XKR4: variants seen among roughly 807,000 people sequenced by gnomAD.
XKR4 encodes XK-related protein 4.
A neutral mutation model predicts 53.9 loss-of-function variants in XKR4; 12 were observed. The ratio of observed to expected loss-of-function variants is 0.22; its 90% CI spans 0.14 to 0.36. XKR4 has a LOEUF of 0.36. Among genes scored for constraint, XKR4 ranks in the 10% least tolerant of loss-of-function variants. XKR4 has a pLI of 1.00. For missense variants in XKR4, 799 were observed against 859.5 expected, an observed-to-expected ratio of 0.93 and a Z score of 0.88; for synonymous variants, 354 against 362.4, an observed-to-expected ratio of 0.98 and a Z score of 0.26.
In XKR4 at chr8:55,536,049, T is replaced by A. The variant is rs1390812575; in HGVS notation, c.*11822T>A. The stretch of plus-strand genomic sequence containing the variant: ...TTCAGGGTTACCATGGCCTTACTCA[T>A]CTTCCCATTGTAAATATATCACAAT... On this transcript the variant is annotated 3_prime_UTR_variant, in exon 3 of 3. Transcript: ENST00000327381. 6.6e-6 allele frequency: 1 copy of A among 152,202 alleles called. No individual in the cohort carries two copies. Among genetic ancestry groups the A allele is most frequent in the African/African-American group, 2.4e-5 (1 of 41,466 alleles). The allele number at this position is 152,202 out of a possible 1,614,324, so 9.4% of individuals were successfully genotyped here.
chr8:55,467,094 G>A (rs920819751), intron 2 of XKR4, among the ~76,000 whole-genome samples: 1 of 152,036 alleles, frequency 6.6e-6, no homozygotes, highest in African/African-American at 2.4e-5. Flanking sequence ...CTGGGCACAG[G>A]GTCCTTCCCA....
At chr8:55,456,172 C>A (rs1018721166) in intron 2 of XKR4, among the ~76,000 whole-genome samples, 2 of 152,194 alleles carry the variant, frequency 1.3e-5, no homozygotes, top group African/African-American at 4.8e-5. Flanking sequence ...TGGCTCACAC[C>A]TGTAATCCCA....
intron 1 of XKR4, among the ~76,000 whole-genome samples, chr8:55,320,379 GAAGA>G (rs1803187550): frequency 6.6e-6 from 1 of 152,152 alleles, no homozygotes; most frequent in Non-Finnish European, 1.5e-5. Flanking sequence ...CTGAAGGAAG[GAAGA>G]GATTTAAGTT....
Position 55,538,970 on chromosome 8 carries a change from G to A in XKR4, c.*14743G>A, listed in dbSNP as rs1207450212. ...ATATTTCGGAGAAGTTTTTACACAG[G>A]GCTTCAGCTATATACTGATATACAT... On this transcript the variant is annotated 3_prime_UTR_variant, in exon 3 of 3. Transcript: ENST00000327381. 2 of 152,080 alleles carry A rather than the reference G, an allele frequency of 1.3e-5. No homozygotes were observed. The highest frequency in any genetic ancestry group is 1.3e-4 in the Admixed American group (2 of 15,266). The allele number at this position is 152,080 out of a possible 1,614,324, so 9.4% of individuals were successfully genotyped here.
rs147908466 is a variant in XKR4 at position 55,113,268 on chromosome 8, T to C, written c.806+9974T>C. Among the ~76,000 whole-genome samples the C allele has an allele frequency of 4.7e-3, 718 of 152,330 alleles. 2 individuals carry two copies. Among genetic ancestry groups the C allele is most frequent in the Non-Finnish European group, 7.2e-3 (489 of 68,022 alleles). ...TATCACTGTGTTGCCTTCTCTAATCTGCTAATAGGAAAGTAGCATGTTGTC... is the reference window on the plus strand; with the variant it reads ...TATCACTGTGTTGCCTTCTCTAATCCGCTAATAGGAAAGTAGCATGTTGTC... On this transcript the variant is annotated intron_variant, in intron 1 of 2. Transcript: ENST00000327381.
At chr8:55,224,652 G>A (rs1253224493) in intron 1 of XKR4, among the ~76,000 whole-genome samples, 2 of 152,240 alleles carry the variant, frequency 1.3e-5, no homozygotes, top group Admixed American at 6.5e-5. Context: ...GAAGTACTGG[G>A]TTAAACAAAT....
intron 1 of XKR4, among the ~76,000 whole-genome samples, chr8:55,308,342 G>T (rs920777860): frequency 2.6e-5 from 4 of 152,196 alleles, no homozygotes; most frequent in Non-Finnish European, 5.9e-5. Context: ...TCACAGTTCT[G>T]CCTGGCTGGG....
chr8:55,142,296 G>C (rs1441863827), intron 1 of XKR4: 1 of 418,044 alleles, frequency 2.4e-6, no homozygotes, highest in Non-Finnish European at 4.8e-6. Context: ...AAAGGGTATA[G>C]TACACACTGG....
At chr8:55,242,459 C>T (rs192693263) in intron 1 of XKR4, among the ~76,000 whole-genome samples, 3 of 152,184 alleles carry the variant, frequency 2.0e-5, no homozygotes, top group East Asian at 1.9e-4. Context: ...AAAGGAAATG[C>T]GAGGAGGTAA....
chr8:55,414,990 C>A (rs2129391682), intron 2 of XKR4, among the ~76,000 whole-genome samples: 1 of 152,294 alleles, frequency 6.6e-6, no homozygotes, highest in African/African-American at 2.4e-5. Flanking sequence ...TATTGGAGTG[C>A]CTCCAGGACA....
At chr8:55,223,167 G>A (rs11784187) in intron 1 of XKR4, among the ~76,000 whole-genome samples, 58,690 of 152,014 alleles carry the variant, frequency 0.39, 11,826 homozygotes, top group Middle Eastern at 0.48. Flanking sequence ...TGTCAACTAC[G>A]CATGTCTTTA....
intron 1 of XKR4, among the ~76,000 whole-genome samples, chr8:55,309,095 A>G (rs556909199): frequency 6.6e-6 from 1 of 152,334 alleles, no homozygotes; most frequent in Admixed American, 6.5e-5. Flanking sequence ...AGCCTCCAGG[A>G]AGAAACACAG....
At chr8:55,173,005 T>C (rs1327500960) in intron 1 of XKR4, among the ~76,000 whole-genome samples, 1 of 152,240 alleles carries the variant, frequency 6.6e-6, no homozygotes, top group Non-Finnish European at 1.5e-5. Flanking sequence ...TCAGTGTTGC[T>C]TGCACACAAA....
chr8:55,264,617 G>T lies in XKR4; in HGVS notation c.807-93061G>T, dbSNP rs1818572831. On this transcript the variant is annotated intron_variant, in intron 1 of 2. Coordinates refer to ENST00000327381, the MANE Select transcript of XKR4 (RefSeq NM_052898.2). ...ATGTGAAACTATGAATTTCCATGAG[G>T]TTTGTAATTTTAACTAAGAAATCAT... 2.0e-5 allele frequency among the ~76,000 whole-genome samples: 3 copies of T among 152,194 alleles called. No individual in the cohort carries two copies. In the South Asian group the frequency reaches 6.2e-4, roughly 32 times the overall value.
intron 2 of XKR4, chr8:55,451,405 G>A: frequency 1.1e-6 from 1 of 945,896 alleles, no homozygotes; most frequent in Non-Finnish European, 1.7e-6. Flanking sequence ...GTTGCGTCCG[G>A]ACGCACTGGA....
intron 1 of XKR4, among the ~76,000 whole-genome samples, chr8:55,280,722 G>T (rs4236975): frequency 0.6 from 91,820 of 151,972 alleles, 30,017 homozygotes; most frequent in East Asian, 0.74. Flanking sequence ...GATTTTAGAT[G>T]TGAAAACATA....
intron 1 of XKR4, among the ~76,000 whole-genome samples, chr8:55,258,086 A>G (rs916250156): frequency 6.6e-6 from 1 of 152,230 alleles, no homozygotes; most frequent in Non-Finnish European, 1.5e-5. Context: ...GTTACTGAAA[A>G]AAACAGGGTA....
At chr8:55,364,388 G>A (rs1803944036) in intron 2 of XKR4, among the ~76,000 whole-genome samples, 1 of 152,184 alleles carries the variant, frequency 6.6e-6, no homozygotes. Flanking sequence ...TACGGGATGA[G>A]CCCTCCTCTC....
chr8:55,214,425 T>C (rs1817774073), intron 1 of XKR4, among the ~76,000 whole-genome samples: 1 of 152,222 alleles, frequency 6.6e-6, no homozygotes, highest in African/African-American at 2.4e-5. Flanking sequence ...TACATAATTC[T>C]TAGCTCAATA....
Sources: gnomAD v4.1 joint callset for allele counts (sites outside exome capture counted in the v4.1 genomes callset) on GRCh38, gnomAD v4.1.1 for gene constraint, MANE v1.5 for transcripts, NCBI Gene and HGNC (gene_info 2026-07-23, HGNC 2026-07-21) for gene names.